ZFYVE28: variants seen among roughly 807,000 people sequenced by gnomAD.
ZFYVE28 encodes zinc finger FYVE-type containing 28.
ZFYVE28 carries 40 observed loss-of-function variants against 82.1 expected under a neutral mutation model. The ratio of observed to expected loss-of-function variants is 0.49; its 90% CI spans 0.38 to 0.63. The LOEUF is 0.63. Among genes scored for constraint, ZFYVE28 ranks in the 30% least tolerant of loss-of-function variants. The pLI is 0.00. For missense variants in ZFYVE28, 1,321 were observed against 1,242.1 expected, an observed-to-expected ratio of 1.06 and a Z score of -0.96; for synonymous variants, 612 against 546.1, an observed-to-expected ratio of 1.12 and a Z score of -1.68.
At chr4:2,303,916 G>T (rs1716039715) in intron 8 of ZFYVE28, among the ~76,000 whole-genome samples, 1 of 152,234 alleles carries the variant, frequency 6.6e-6, no homozygotes, top group Non-Finnish European at 1.5e-5. Flanking sequence ...CGCTGGCACA[G>T]CCCGCTCCCA....
At chr4:2,338,792 T>C (rs1477496139) in intron 4 of ZFYVE28, among the ~76,000 whole-genome samples, 1 of 152,172 alleles carries the variant, frequency 6.6e-6, no homozygotes. Flanking sequence ...ACTGAACCTC[T>C]GCGGACACCA....
At chr4:2,286,518 G>A (rs1431078332) in intron 8 of ZFYVE28, 1 of 152,326 alleles carries the variant, frequency 6.6e-6, no homozygotes, top group Non-Finnish European at 1.5e-5. Flanking sequence ...CACAGCACCT[G>A]GATTTCAGCC....
intron 7 of ZFYVE28, among the ~76,000 whole-genome samples, chr4:2,315,676 T>G (rs1718101715): frequency 6.6e-6 from 1 of 152,248 alleles, no homozygotes; most frequent in Non-Finnish European, 1.5e-5. Flanking sequence ...CGTTTCAAAG[T>G]AGTATGTCCT....
intron 7 of ZFYVE28, among the ~76,000 whole-genome samples, chr4:2,313,212 C>A (rs1717737296): frequency 6.7e-6 from 1 of 149,240 alleles, no homozygotes; most frequent in Non-Finnish European, 1.5e-5. Flanking sequence ...TCTTTACGGT[C>A]TGTCATATAA....
At chr4:2,365,586 G>C in intron 1 of ZFYVE28, among the ~76,000 whole-genome samples, 1 of 152,100 alleles carries the variant, frequency 6.6e-6, no homozygotes, top group Admixed American at 6.5e-5. Context: ...GGAGCCCTGA[G>C]CCCTGGCCCA....
intron 8 of ZFYVE28, among the ~76,000 whole-genome samples, chr4:2,290,610 C>T (rs1301428155): frequency 6.6e-6 from 1 of 152,192 alleles, no homozygotes; most frequent in African/African-American, 2.4e-5. Context: ...GCCCCCTGGC[C>T]CCAGAGCAGC....
intron 1 of ZFYVE28, among the ~76,000 whole-genome samples, chr4:2,357,289 G>A (rs987416298): frequency 6.6e-6 from 1 of 152,146 alleles, no homozygotes; most frequent in African/African-American, 2.4e-5. Context: ...CCACCAGCTT[G>A]CTCACCTGGG....
At chr4:2,402,554 A>G (rs1731310596) in intron 1 of ZFYVE28, among the ~76,000 whole-genome samples, 1 of 152,222 alleles carries the variant, frequency 6.6e-6, no homozygotes, top group African/African-American at 2.4e-5. Context: ...ACTGTTTCAT[A>G]GTCGGATCCA....
rs1730322951 is a variant in ZFYVE28, at chr4:2,395,334, C to G, written c.39+22951G>C. On this transcript the variant is annotated intron_variant, in intron 1 of 12. Coordinates refer to ENST00000290974, the MANE Select transcript of ZFYVE28 (RefSeq NM_020972.3). ...ATTTCATAATCCCTAACATACTTAA[C>G]TACACTGTTTCTCATCCAAGAGCAG... Among the ~76,000 whole-genome samples, 15 of 152,346 alleles carry G rather than the reference C, an allele frequency of 9.8e-5. 1 individual carries two copies. The South Asian group carries it at 3.1e-3, about 32-fold the overall frequency.
At chr4:2,415,451 T>TACACACACACAC (rs58420760) in intron 1 of ZFYVE28, among the ~76,000 whole-genome samples, 36,731 of 147,014 alleles carry the variant, frequency 0.25, 4,950 homozygotes, top group Admixed American at 0.39. Flanking sequence ...ACCCTGTCTC[T>TACACACACACAC]ACACACACAC....
rs980207938 is a variant in ZFYVE28 at position 2,408,588 on chromosome 4, C to T, written c.39+9697G>A. Among the ~76,000 whole-genome samples, 12 of 152,188 alleles carry T rather than the reference C, an allele frequency of 7.9e-5. No individual in the cohort carries two copies. Among genetic ancestry groups the T allele is most frequent in the African/African-American group, 2.9e-4 (12 of 41,438 alleles). ...TGAAGCTCCGCCCAGTTGGGCCCCG[C>T]CCAGGTAAGCCCCATCTAGATGAAG... On this transcript the variant is annotated intron_variant, in intron 1 of 12. Coordinates refer to ENST00000290974, the MANE Select transcript of ZFYVE28 (RefSeq NM_020972.3). This position sits in a 1 kb window ranked among gnomAD's most constrained non-coding sequence, Gnocchi z 4.3.
chr4:2,355,230 A>AATGAT (rs1725084824), intron 1 of ZFYVE28, among the ~76,000 whole-genome samples: 2 of 17,354 alleles, frequency 1.2e-4, no homozygotes, highest in African/African-American at 2.7e-4. Flanking sequence ...ATATATATAT[A>AATGAT]TATATATATA....
chr4:2,400,081 A>G (rs1295453461), intron 1 of ZFYVE28, among the ~76,000 whole-genome samples: 1 of 152,246 alleles, frequency 6.6e-6, no homozygotes, highest in Non-Finnish European at 1.5e-5. Flanking sequence ...GGAGCTCCTC[A>G]GGGCGGGCAC....
rs748709796 is a variant in ZFYVE28, at chr4:2,320,244, A to G, written c.729T>C (p.Pro243=). 1.2e-6 allele frequency: 2 copies of G among 1,614,000 alleles called. No individual in the cohort carries two copies. Among genetic ancestry groups the G allele is most frequent in the South Asian group, 2.2e-5 (2 of 91,070 alleles). ...VCGLVVYADG[P]LNLDRKVEDM... is the part of the protein sequence containing the mutation. ...CTTCCACCTTGCGGTCCAAGTTCAG[A>G]GGTCCGTCCGCATAGACCACGAGGC... The change falls in exon 7 of 13, where the codon CCT becomes CCC. Residue 243 remains proline (P), a synonymous_variant. Transcript: ENST00000290974. The surrounding 1 kb of genome is among the most constrained non-coding windows in gnomAD (Gnocchi z 5.1).
chr4:2,352,817 G>C (rs1193885572), intron 2 of ZFYVE28, among the ~76,000 whole-genome samples: 1 of 152,180 alleles, frequency 6.6e-6, no homozygotes, highest in Non-Finnish European at 1.5e-5. Context: ...AGGTCACAGA[G>C]CATGTAAAGG....
intron 8 of ZFYVE28, among the ~76,000 whole-genome samples, chr4:2,295,172 C>T (rs28473093): frequency 0.59 from 89,812 of 151,364 alleles, 27,358 homozygotes; most frequent in African/African-American, 0.7. Flanking sequence ...TTTTTGTTTT[C>T]GTTTTTTGAG....
chr4:2,359,971 C>G (rs565451239), intron 1 of ZFYVE28, among the ~76,000 whole-genome samples: 3 of 152,202 alleles, frequency 2.0e-5, no homozygotes, highest in Non-Finnish European at 2.9e-5. Context: ...ACAGCCCCCT[C>G]GGGCCCTGGA....
intron 8 of ZFYVE28, among the ~76,000 whole-genome samples, chr4:2,303,898 G>A (rs1478136443): frequency 2.6e-5 from 4 of 152,244 alleles, no homozygotes; most frequent in South Asian, 2.1e-4. Flanking sequence ...TCAGGGCAAG[G>A]GGCCCGGCGC....
rs540743025 is a variant in ZFYVE28 at position 2,388,519 on chromosome 4, G to A, written c.39+29766C>T. Reference sequence around the variant, plus strand: ...GGGCCTTTCTAGAGCATGCCAGGACGGTGTCACTCCAAAGCCCTAAGACCC... The same window carrying A: ...GGGCCTTTCTAGAGCATGCCAGGACAGTGTCACTCCAAAGCCCTAAGACCC... On this transcript the variant is annotated intron_variant, in intron 1 of 12. Coordinates refer to ENST00000290974, the MANE Select transcript of ZFYVE28 (RefSeq NM_020972.3). Among the ~76,000 whole-genome samples the A allele has an allele frequency of 2.8e-3, 423 of 152,194 alleles. 2 individuals carry two copies. Among genetic ancestry groups the A allele is most frequent in the African/African-American group, 9.8e-3 (408 of 41,508 alleles).
Sources: allele counts gnomAD v4.1 joint callset (sites outside exome capture counted in the v4.1 genomes callset), GRCh38; gene constraint gnomAD v4.1.1; non-coding constraint Gnocchi (gnomAD v3.1); transcripts MANE v1.5; gene names NCBI Gene and HGNC (gene_info 2026-07-23, HGNC 2026-07-21).